The following MAGI2 variants were observed in gnomAD, a reference collection of about 807,000 sequenced individuals.
The protein encoded by MAGI2 is membrane associated guanylate kinase, WW and PDZ domain containing 2, also known as membrane-associated guanylate kinase, WW and PDZ domain-containing protein 2.
In MAGI2, 35 loss-of-function variants were observed where a neutral mutation model predicts 133.3. That is an observed-to-expected ratio of 0.26 (90% CI 0.20 to 0.35). MAGI2 has a LOEUF of 0.35. MAGI2 is among the 10% of genes least tolerant of loss of function. MAGI2 has a pLI of 1.00. For missense variants in MAGI2, 1,636 were observed against 1,863.4 expected, an observed-to-expected ratio of 0.88 and a Z score of 2.25; for synonymous variants, 729 against 710.6, an observed-to-expected ratio of 1.03 and a Z score of -0.41.
At chr7:79,229,090 T>C (rs563361965) in intron 1 of MAGI2, among the ~76,000 whole-genome samples, 6 of 152,188 alleles carry the variant, frequency 3.9e-5, no homozygotes, top group East Asian at 3.9e-4. Flanking sequence ...AATGATTTTT[T>C]TTTTTTGAGC....
chr7:78,387,125 G>A (rs182664822), intron 6 of MAGI2, among the ~76,000 whole-genome samples: 67 of 152,290 alleles, frequency 4.4e-4, no homozygotes, highest in Non-Finnish European at 6.6e-4. Flanking sequence ...TTCCTTGGGT[G>A]TGGCTTTTCT....
At chr7:78,675,017 CTGTT>C (rs1448618453) in intron 2 of MAGI2, among the ~76,000 whole-genome samples, 1 of 152,126 alleles carries the variant, frequency 6.6e-6, no homozygotes, top group African/African-American at 2.4e-5. Flanking sequence ...AACTGAAACA[CTGTT>C]TATTTTCATA....
chr7:79,159,662 A>C (rs992922196), intron 1 of MAGI2, among the ~76,000 whole-genome samples: 2 of 152,062 alleles, frequency 1.3e-5, no homozygotes, highest in African/African-American at 4.8e-5. Flanking sequence ...TTTTAATGCG[A>C]GAAGTTTTTA....
intron 21 of MAGI2, among the ~76,000 whole-genome samples, chr7:78,047,820 C>A (rs1269649539): frequency 6.6e-6 from 1 of 152,234 alleles, no homozygotes; most frequent in African/African-American, 2.4e-5. Context: ...ACACTCCTTT[C>A]CATGCTTCAG....
chr7:78,587,874 A>G (rs536046322), intron 3 of MAGI2, among the ~76,000 whole-genome samples: 5 of 152,330 alleles, frequency 3.3e-5, no homozygotes, highest in Non-Finnish European at 5.9e-5. Flanking sequence ...TATAAATAAA[A>G]TGGGTATTCA....
In MAGI2 at chr7:78,430,998, C is replaced by A. The variant is rs569796958; in HGVS notation, c.1045+58763G>T. Among the ~76,000 whole-genome samples the A allele has an allele frequency of 4.6e-5, 7 of 151,970 alleles. No homozygotes were observed. In the South Asian group the frequency reaches 1.5e-3, roughly 32 times the overall value. ...TTGCCTGAGCATATATTATTTAATT[C>A]ATTTCCCAGAGACAGGTATTATAGA... On this transcript the variant is annotated intron_variant, in intron 6 of 21. Coordinates refer to ENST00000354212, the MANE Select transcript of MAGI2 (RefSeq NM_012301.4).
intron 1 of MAGI2, among the ~76,000 whole-genome samples, chr7:79,079,798 C>T (rs1815876458): frequency 6.6e-6 from 1 of 152,026 alleles, no homozygotes; most frequent in East Asian, 1.9e-4. Context: ...TTTCTAAAGT[C>T]ATTATCTGTG....
At chr7:79,265,582 A>AT (rs1328665680) in intron 1 of MAGI2, among the ~76,000 whole-genome samples, 1 of 152,132 alleles carries the variant, frequency 6.6e-6, no homozygotes, top group Non-Finnish European at 1.5e-5. Flanking sequence ...ATAAATATGC[A>AT]TATGTGTATG....
Position 78,790,584 on chromosome 7 carries a change from C to A in MAGI2, c.419-163345G>T, listed in dbSNP as rs781011648. 2.2e-4 allele frequency among the ~76,000 whole-genome samples: 33 copies of A among 152,166 alleles called. 1 individual carries two copies. Among genetic ancestry groups the A allele is most frequent in the Non-Finnish European group, 4.9e-4 (33 of 68,008 alleles). On this transcript the variant is annotated intron_variant, in intron 2 of 21. Transcript: ENST00000354212. Reference sequence around the variant, plus strand: ...AAATAGCTTGGATTACAGGCGCCCACCACCATGCCCAGCTAATTTTTGTAT... The same window carrying A: ...AAATAGCTTGGATTACAGGCGCCCAACACCATGCCCAGCTAATTTTTGTAT...
intron 1 of MAGI2, among the ~76,000 whole-genome samples, chr7:79,053,036 G>A (rs533060215): frequency 2.4e-4 from 37 of 152,106 alleles, no homozygotes; most frequent in Non-Finnish European, 4.9e-4. Context: ...TGCAGGGTGC[G>A]ATCTCGGCTC....
intron 2 of MAGI2, among the ~76,000 whole-genome samples, chr7:78,897,317 A>G (rs908849186): frequency 1.3e-5 from 2 of 152,178 alleles, no homozygotes; most frequent in African/African-American, 4.8e-5. Flanking sequence ...CTTAGGCTTG[A>G]TTCTTTTTAT....
intron 1 of MAGI2, among the ~76,000 whole-genome samples, chr7:79,376,841 G>GTGT (rs1563166210): frequency 0.012 from 1,780 of 147,556 alleles, 20 homozygotes; most frequent in African/African-American, 0.037. Flanking sequence ...TGTGTGTGTG[G>GTGT]GTGTATGGCG....
At chr7:78,145,749 T>C (rs1009794364) in intron 16 of MAGI2, among the ~76,000 whole-genome samples, 6 of 152,188 alleles carry the variant, frequency 3.9e-5, no homozygotes, top group African/African-American at 1.4e-4. Flanking sequence ...GTCTGTGGTA[T>C]TCCACTATAA....
intron 1 of MAGI2, among the ~76,000 whole-genome samples, chr7:79,195,642 A>C (rs186042577): frequency 2.4e-4 from 36 of 152,014 alleles, no homozygotes; most frequent in African/African-American, 7.5e-4. Context: ...CCAGCAATGG[A>C]GAGTCACACG....
At chr7:78,999,308 T>G (rs1287242849) in intron 2 of MAGI2, among the ~76,000 whole-genome samples, 1 of 152,056 alleles carries the variant, frequency 6.6e-6, no homozygotes, top group Non-Finnish European at 1.5e-5. Context: ...TATTCCTTTT[T>G]TTTTTTCGGT....
At chr7:78,573,233 AAT>A (rs1190975101) in intron 3 of MAGI2, among the ~76,000 whole-genome samples, 518 of 44,380 alleles carry the variant, frequency 0.012, 10 homozygotes, top group African/African-American at 0.046. Flanking sequence ...TATAAATATA[AAT>A]ATATATATAT....
Position 78,019,398 on chromosome 7 carries a change from C to T in MAGI2, c.4285G>A (p.Val1429Ile), listed in dbSNP as rs1302260363. The change falls in exon 22 of 22, where the codon GTC (valine) becomes ATC (isoleucine). Residue 1429 changes from valine to isoleucine, a missense_variant. This residue lies in a region of MAGI2 where 354 missense variants were observed against 298.7 expected (regional missense o/e 1.19). Coordinates refer to ENST00000354212, the MANE Select transcript of MAGI2 (RefSeq NM_012301.4). Reference protein sequence around the residue: ...PGGAPARKAAVAPGPWKVPGS... With the variant: ...PGGAPARKAAIAPGPWKVPGS... Reference sequence around the variant, plus strand: ...GGCACCTTCCAGGGCCCCGGCGCGACGGCGGCCTTGCGCGCCGGGGCGCCC... The same window carrying T: ...GGCACCTTCCAGGGCCCCGGCGCGATGGCGGCCTTGCGCGCCGGGGCGCCC... 1.7e-6 allele frequency: 2 copies of T among 1,206,242 alleles called. No homozygotes were observed. The highest frequency in any genetic ancestry group is 4.4e-5 in the Admixed American group (1 of 22,536). The allele number at this position is 1,206,242 out of a possible 1,614,324, so 74.7% of individuals were successfully genotyped here. A position where few individuals can be genotyped will look rare whatever the true frequency, so the allele number is the denominator to read the frequency against.
chr7:79,082,932 T>G (rs955080776), intron 1 of MAGI2, among the ~76,000 whole-genome samples: 1 of 151,822 alleles, frequency 6.6e-6, no homozygotes, highest in Non-Finnish European at 1.5e-5. Flanking sequence ...ACTCAAGTAT[T>G]TTTACCTGAT....
chr7:79,096,332 A>C (rs758668558), intron 1 of MAGI2, among the ~76,000 whole-genome samples: 1 of 152,166 alleles, frequency 6.6e-6, no homozygotes, highest in Non-Finnish European at 1.5e-5. Flanking sequence ...AATCCAGCCA[A>C]GAAGCCACAC....
Sources: allele counts gnomAD v4.1 joint callset (sites outside exome capture counted in the v4.1 genomes callset), GRCh38; gene constraint gnomAD v4.1.1; regional missense constraint gnomAD v4.1.1; transcripts MANE v1.5; gene names NCBI Gene and HGNC (gene_info 2026-07-23, HGNC 2026-07-21).